EMSY: variants seen among roughly 807,000 people sequenced by gnomAD.
The protein encoded by EMSY is BRCA2-interacting transcriptional repressor EMSY.
In EMSY, 26 loss-of-function variants were observed where a neutral mutation model predicts 134.6. The ratio of observed to expected loss-of-function variants is 0.19; its 90% confidence interval spans 0.14 to 0.27. The LOEUF is 0.27. EMSY is among the 10% of genes least tolerant of loss of function. The probability of loss-of-function intolerance (pLI) is 1.00; values close to 1 mark genes in which losing one functional copy is unlikely to be tolerated. For missense variants in EMSY, 1,305 were observed against 1,611.4 expected, an observed-to-expected ratio of 0.81 and a Z score of 3.26; for synonymous variants, 579 against 577.8, an observed-to-expected ratio of 1.00 and a Z score of -0.03.
intron 15 of EMSY, 51 bp downstream of exon 16, chr11:76,536,110 G>C: frequency 7.8e-7 from 1 of 1,274,554 alleles, no homozygotes; most frequent in Non-Finnish European, 1.0e-6. Context: ...CTAGAGACGG[G>C]TTGTGCTAAA....
intron 9 of EMSY, among the ~76,000 whole-genome samples, chr11:76,511,048 G>T (rs998515125): frequency 2.0e-5 from 3 of 152,176 alleles, no homozygotes; most frequent in African/African-American, 7.2e-5. Context: ...CACTGGGTTA[G>T]GGGGCCAGCA....
chr11:76,542,718 T>TTGC (rs1358803013), intron 18 of EMSY, among the ~76,000 whole-genome samples: 2 of 151,602 alleles, frequency 1.3e-5, no homozygotes, highest in Non-Finnish European at 2.9e-5. Flanking sequence ...GTTTAGCTGT[T>TTGC]TGCTGCTGGG....
intron 20 of EMSY, among the ~76,000 whole-genome samples, chr11:76,546,667 C>G (rs891378368): frequency 7.9e-5 from 12 of 152,046 alleles, no homozygotes; most frequent in African/African-American, 2.9e-4. Flanking sequence ...AATTTTTGCT[C>G]AAAAAATTCT....
At chr11:76,462,509 C>T (rs1948166370) in intron 6 of EMSY, among the ~76,000 whole-genome samples, 1 of 152,144 alleles carries the variant, frequency 6.6e-6, no homozygotes, top group African/African-American at 2.4e-5. Flanking sequence ...ATCACATTGC[C>T]ATCTGGTAAG....
At chr11:76,495,725 A>G (rs566359739) in intron 8 of EMSY, among the ~76,000 whole-genome samples, 108 of 152,256 alleles carry the variant, frequency 7.1e-4, no homozygotes, top group Middle Eastern at 3.4e-3. Flanking sequence ...GAGAAAAGGG[A>G]ATTATCTTGT....
At chr11:76,546,159 G>A (rs763721400) in exon 20 of EMSY, 16 of 1,614,156 alleles carry the variant, frequency 9.9e-6, no homozygotes, top group East Asian at 8.9e-5. Flanking sequence ...AGTCCTGTTC[G>A]AGTCCATCCA....
intron 9 of EMSY, among the ~76,000 whole-genome samples, chr11:76,504,087 A>T (rs1949983441): frequency 6.6e-6 from 1 of 151,898 alleles, no homozygotes; most frequent in Non-Finnish European, 1.5e-5. Flanking sequence ...TGCCCAGCTA[A>T]CTGCTGTGTT....
intron 8 of EMSY, among the ~76,000 whole-genome samples, chr11:76,488,918 T>C (rs780010448): frequency 2.0e-5 from 3 of 152,230 alleles, no homozygotes; most frequent in Non-Finnish European, 2.9e-5. Flanking sequence ...TGTGGGTCTG[T>C]CTTAGGAAAG....
At chr11:76,530,620 A>T (rs960701795) in intron 14 of EMSY, among the ~76,000 whole-genome samples, 1 of 152,158 alleles carries the variant, frequency 6.6e-6, no homozygotes, top group African/African-American at 2.4e-5. Flanking sequence ...TACTTTTTAA[A>T]ATATTCTATA....
At chr11:76,534,692 A>C (rs1951165002) in intron 14 of EMSY, among the ~76,000 whole-genome samples, 1 of 152,046 alleles carries the variant, frequency 6.6e-6, no homozygotes. Flanking sequence ...TTCTTCTGTG[A>C]TGCTTTCACT....
At chr11:76,445,249 A>G (rs1947328457) in intron 1 of EMSY, 121 bp downstream of exon 1, 1 of 152,940 alleles carries the variant, frequency 6.5e-6, no homozygotes, top group African/African-American at 2.4e-5. Context: ...GTTGTTTCCT[A>G]ACGGGATCGT....
At chr11:76,523,319 A>G (rs1201253361) in intron 12 of EMSY, 28 bp downstream of exon 13, 15 of 1,597,156 alleles carry the variant, frequency 9.4e-6, no homozygotes, top group Admixed American at 1.8e-5. Flanking sequence ...CTGCAGACTT[A>G]GCAATTCACA....
At chr11:76,507,865 C>CTTTTTTTTTTTTTTTT (rs55756987) in intron 9 of EMSY, among the ~76,000 whole-genome samples, 3 of 118,622 alleles carry the variant, frequency 2.5e-5, no homozygotes, top group Non-Finnish European at 5.6e-5. Context: ...TTTTCTTTTT[C>CTTTTTTTTTTTTTTTT]TTTTTTTTTT....
chr11:76,518,699 A>ATTT (rs1281981666), intron 11 of EMSY, among the ~76,000 whole-genome samples: 1 of 124,686 alleles, frequency 8.0e-6, no homozygotes, highest in Non-Finnish European at 1.6e-5. Flanking sequence ...ATATATATAT[A>ATTT]TATATTTTTT....
intron 8 of EMSY, among the ~76,000 whole-genome samples, chr11:76,482,840 C>T (rs571840272): frequency 7.5e-4 from 115 of 152,324 alleles, no homozygotes; most frequent in Non-Finnish European, 1.3e-3. Flanking sequence ...AGCATATTAT[C>T]CAGGAGAACT....
intron 9 of EMSY, among the ~76,000 whole-genome samples, chr11:76,508,706 T>C (rs2136042858): frequency 6.6e-6 from 1 of 152,308 alleles, no homozygotes; most frequent in Middle Eastern, 3.4e-3. Flanking sequence ...TCATCAATGA[T>C]CTTAGGTAGA....
intron 8 of EMSY, among the ~76,000 whole-genome samples, chr11:76,494,911 T>C (rs1416787454): frequency 2.0e-5 from 3 of 152,020 alleles, no homozygotes; most frequent in African/African-American, 7.3e-5. Context: ...AATTTTTGTA[T>C]TTTTAGTAGA....
chr11:76,539,726 T>C, intron 17 of EMSY, 86 bp downstream of exon 18: 1 of 1,254,616 alleles, frequency 8.0e-7, no homozygotes, highest in Non-Finnish European at 1.2e-6. Context: ...TGCGCTCTAC[T>C]CTCATCTGGT....
chr11:76,449,757 T>C (rs1947576004), intron 2 of EMSY, among the ~76,000 whole-genome samples: 1 of 152,222 alleles, frequency 6.6e-6, no homozygotes, highest in Non-Finnish European at 1.5e-5. Flanking sequence ...CTCTGTTCTC[T>C]TCCATGTGTG....
Sources: gnomAD v4.1 joint callset for allele counts (sites outside exome capture counted in the v4.1 genomes callset) on GRCh38, gnomAD v4.1.1 for gene constraint, MANE v1.5 for transcripts, NCBI Gene and HGNC (gene_info 2026-07-23, HGNC 2026-07-21) for gene names.